ATXN1: variants seen among roughly 807,000 people sequenced by gnomAD.
ATXN1 encodes ataxin 1, also known as ataxin-1.
A neutral mutation model predicts 56.4 loss-of-function variants in ATXN1; 8 were observed. The observed-to-expected ratio is 0.14, with a 90% CI of 0.08 to 0.26. ATXN1 has a LOEUF of 0.26. Ranked by LOEUF, ATXN1 falls within the 10% of genes least tolerant of loss-of-function variation. ATXN1 has a pLI of 1.00. For missense variants in ATXN1, 987 were observed against 1,106.5 expected, an observed-to-expected ratio of 0.89 and a Z score of 1.53; for synonymous variants, 514 against 494.6, an observed-to-expected ratio of 1.04 and a Z score of -0.52.
chr6:16,416,480 T>G (rs1228634594), intron 6 of ATXN1, among the ~76,000 whole-genome samples: 2 of 152,344 alleles, frequency 1.3e-5, no homozygotes, highest in East Asian at 3.9e-4. Context: ...TATAAGAAAG[T>G]ACAATACCTG....
At position 16,674,336 on chromosome 6, in the gene ATXN1, C is replaced by CTTTTTTTT. The variant is rs869081370; in HGVS notation, c.-614-16443_-614-16436dup. Among the ~76,000 whole-genome samples, 212 of 78,118 alleles carry CTTTTTTTT rather than the reference C, an allele frequency of 2.7e-3. 9 individuals carry two copies. The highest frequency in any genetic ancestry group is 9.4e-3 in the African/African-American group (172 of 18,334). 51.2% of individuals were successfully genotyped at this position (78,118 alleles called of 152,430 possible). ...CTATTTGACTGTTACAGAGAACTTTCTTTTTTTTTTTTTTTTTTTTTTTTG... is the reference window on the plus strand; with the variant it reads ...CTATTTGACTGTTACAGAGAACTTTCTTTTTTTTTTTTTTTTTTTTTTTTTTTTTTTTG... On this transcript the variant is annotated intron_variant, in intron 2 of 7. Transcript: ENST00000436367.
In ATXN1 at chr6:16,760,763, G is replaced by A. The variant is rs1761064695; in HGVS notation, c.-730+535C>T. Among the ~76,000 whole-genome samples, 1 of 151,374 alleles carries A rather than the reference G, an allele frequency of 6.6e-6. No individual in the cohort carries two copies. Among genetic ancestry groups the A allele is most frequent in the African/African-American group, 2.4e-5 (1 of 41,330 alleles). ...CCCCTCTCTCTCACCGCCCTCTCCG[G>A]GGAGGAGGAATGGGAAGAGGGCGGC... On this transcript the variant is annotated intron_variant, in intron 1 of 7. Transcript: ENST00000436367. The surrounding 1 kb of genome is among the most constrained non-coding windows in gnomAD (Gnocchi z 5.3).
chr6:16,594,683 A>G (rs1046143459), intron 3 of ATXN1, among the ~76,000 whole-genome samples: 1 of 152,012 alleles, frequency 6.6e-6, no homozygotes, highest in South Asian at 2.1e-4. Context: ...AGGTTTCACT[A>G]TGTTGGCCAG....
rs1581433624 is a variant in ATXN1, at chr6:16,760,882, C to T, written c.-730+416G>A. On this transcript the variant is annotated intron_variant, in intron 1 of 7. Transcript: ENST00000436367. The surrounding 1 kb of genome is among the most constrained non-coding windows in gnomAD (Gnocchi z 5.3). The stretch of plus-strand genomic sequence containing the variant: ...TGGCTCTCCGCACTTGCGACCGGAC[C>T]AGCAGCCGGGGGAGCGGGGCGCCGC... 2.0e-5 allele frequency among the ~76,000 whole-genome samples: 3 copies of T among 148,832 alleles called. No homozygotes were observed. The highest frequency in any genetic ancestry group is 7.3e-5 in the African/African-American group (3 of 40,924).
intron 2 of ATXN1, among the ~76,000 whole-genome samples, chr6:16,659,524 T>C (rs533962187): frequency 6.6e-6 from 1 of 152,348 alleles, no homozygotes; most frequent in Admixed American, 6.5e-5. Flanking sequence ...TATTCTATAA[T>C]TGGAAGAGGT....
At position 16,299,206 on chromosome 6, in the gene ATXN1, AT is replaced by A. The variant is rs1427979961; in HGVS notation, c.*7122del. 6.6e-6 allele frequency: 1 copy of A among 152,644 alleles called. No individual in the cohort carries two copies. Among genetic ancestry groups the A allele is most frequent in the African/African-American group, 2.4e-5 (1 of 41,454 alleles). 9.5% of individuals were successfully genotyped at this position (152,644 alleles called of 1,614,324 possible). A position where few individuals can be genotyped will look rare whatever the true frequency, so the allele number is the denominator to read the frequency against. ...ATTTATTTAAAACAATTTTGTTCAA[AT>A]TTTGAATCAAACATTGTTTTATTAT... On this transcript the variant is annotated 3_prime_UTR_variant, in exon 8 of 8. Coordinates refer to ENST00000436367, the MANE Select transcript of ATXN1 (RefSeq NM_001128164.2).
intron 6 of ATXN1, among the ~76,000 whole-genome samples, chr6:16,418,071 A>C (rs1758952549): frequency 6.6e-6 from 1 of 152,218 alleles, no homozygotes; most frequent in Non-Finnish European, 1.5e-5. Flanking sequence ...GCATGGTCCC[A>C]ACGCTCTGGT....
chr6:16,533,789 T>C (rs987172766), intron 4 of ATXN1, among the ~76,000 whole-genome samples: 1 of 152,160 alleles, frequency 6.6e-6, no homozygotes, highest in African/African-American at 2.4e-5. Flanking sequence ...TCGTTTGAAA[T>C]GTAAGCTGCT....
chr6:16,554,446 T>C (rs1761975037), intron 4 of ATXN1, among the ~76,000 whole-genome samples: 1 of 152,186 alleles, frequency 6.6e-6, no homozygotes, highest in African/African-American at 2.4e-5. Context: ...CTGTCCCTCA[T>C]GTCTACAGCT....
At chr6:16,395,357 C>G (rs57681677) in intron 6 of ATXN1, among the ~76,000 whole-genome samples, 1 of 150,822 alleles carries the variant, frequency 6.6e-6, no homozygotes, top group African/African-American at 2.4e-5. Flanking sequence ...ATCTGTATGA[C>G]TGAGGTTAAT....
chr6:16,718,865 G>T (rs1759691900), intron 2 of ATXN1, among the ~76,000 whole-genome samples: 1 of 152,152 alleles, frequency 6.6e-6, no homozygotes, highest in African/African-American at 2.4e-5. Flanking sequence ...TTGTTCATAG[G>T]TTTTTACTGG....
At chr6:16,436,781 G>A (rs1277527351) in intron 6 of ATXN1, among the ~76,000 whole-genome samples, 1 of 152,182 alleles carries the variant, frequency 6.6e-6, no homozygotes, top group Non-Finnish European at 1.5e-5. Context: ...TACTCTGAGT[G>A]AGCTGAGAGG....
At chr6:16,394,484 T>C (rs139108831) in intron 6 of ATXN1, among the ~76,000 whole-genome samples, 270 of 152,364 alleles carry the variant, frequency 1.8e-3, no homozygotes, top group African/African-American at 5.7e-3. Flanking sequence ...TCAATACATG[T>C]ATATATTGTG....
At chr6:16,551,767 C>T (rs1267793431) in intron 4 of ATXN1, among the ~76,000 whole-genome samples, 2 of 152,204 alleles carry the variant, frequency 1.3e-5, no homozygotes, top group African/African-American at 4.8e-5. Context: ...ACACAGCTAT[C>T]CTGCTGTGGC....
intron 6 of ATXN1, among the ~76,000 whole-genome samples, chr6:16,401,401 G>A (rs545751357): frequency 8.5e-5 from 13 of 152,174 alleles, no homozygotes; most frequent in Admixed American, 5.2e-4. Flanking sequence ...AAGATCAGCC[G>A]GAGAAACAAG....
chr6:16,760,730 C>G lies in ATXN1; in HGVS notation c.-730+568G>C, dbSNP rs1231320979. Among the ~76,000 whole-genome samples the G allele has an allele frequency of 6.6e-6, 1 of 151,272 alleles. No individual in the cohort carries two copies. The highest frequency in any genetic ancestry group is 1.5e-5 in the Non-Finnish European group (1 of 67,696). On this transcript the variant is annotated intron_variant, in intron 1 of 7. Transcript: ENST00000436367. This position sits in a 1 kb window ranked among gnomAD's most constrained non-coding sequence, Gnocchi z 5.3. ...CCACCCGCGGAGAAGTCCAGCCCTC[C>G]GTGAGACCCCCTCTCTCTCACCGCC...
chr6:16,639,092 G>T (rs12201800), intron 3 of ATXN1, among the ~76,000 whole-genome samples: 58,355 of 150,794 alleles, frequency 0.39, 11,601 homozygotes, highest in African/African-American at 0.51. Flanking sequence ...TCAGCACTCT[G>T]TAAAATGGAC....
intron 6 of ATXN1, among the ~76,000 whole-genome samples, chr6:16,447,343 G>C (rs1346505250): frequency 6.6e-6 from 1 of 152,148 alleles, no homozygotes; most frequent in Non-Finnish European, 1.5e-5. Context: ...TCCTGCCTCA[G>C]CCTCCTGAGT....
intron 6 of ATXN1, among the ~76,000 whole-genome samples, chr6:16,422,742 G>A (rs1022509932): frequency 1.3e-5 from 2 of 152,144 alleles, no homozygotes; most frequent in Non-Finnish European, 2.9e-5. Flanking sequence ...TCCTCAAGTA[G>A]GGAAAACGCT....
Sources: gnomAD v4.1 joint callset for allele counts (sites outside exome capture counted in the v4.1 genomes callset) on GRCh38, gnomAD v4.1.1 for gene constraint, Gnocchi (gnomAD v3.1) non-coding constraint, MANE v1.5 for transcripts, NCBI Gene and HGNC (gene_info 2026-07-23, HGNC 2026-07-21) for gene names.